YY1AP1: variants seen among roughly 807,000 people sequenced by gnomAD.
YY1AP1 encodes the protein YY1 associated protein 1.
Under a neutral mutation model 39.9 loss-of-function variants are expected in YY1AP1, and 43 were observed. The ratio of observed to expected loss-of-function variants is 1.08; its 90% confidence interval spans 0.84 to 1.39. The LOEUF (loss-of-function observed/expected upper bound fraction) is 1.39. Among genes scored for constraint, YY1AP1 ranks in the 40% most tolerant of loss-of-function variants. The probability of loss-of-function intolerance (pLI) is 0.00; values close to 1 mark genes in which losing one functional copy is unlikely to be tolerated. For missense variants in YY1AP1, 813 were observed against 900.7 expected (o/e 0.90, Z 1.25); for synonymous variants, 292 against 331.3 (o/e 0.88, Z 1.29).
Position 155,676,698 on chromosome 1 carries a change from C to A in YY1AP1, c.174G>T (p.Ala58=). 1 of 1,614,122 alleles carries A rather than the reference C, an allele frequency of 6.2e-7. No homozygotes were observed. The highest frequency in any genetic ancestry group is 8.5e-7 in the Non-Finnish European group (1 of 1,180,024). The part of the protein sequence containing the change: ...ANLLNEQHQI[A]KELFEQLKMK... ...TCTTCAGCTGTTCAAATAGTTCCTT[C>A]GCTATCTGATGTTGTTCATTTAGTA... Residue 58 remains alanine (A), a synonymous_variant, in exon 5 of 11, where the codon GCG becomes GCT. Coordinates refer to ENST00000355499, the MANE Select transcript of YY1AP1 (RefSeq NM_139119.3).
chr1:155,664,862 C>G lies in YY1AP1; in HGVS notation c.880-3439G>C, dbSNP rs552885455. ...TCGGCTCACTGCAAGCTCCACCTCC[C>G]AGGTTCACGCCATTCTCCTGCCTCA... On this transcript the variant is annotated intron_variant, in intron 9 of 10. Transcript: ENST00000355499. Among the ~76,000 whole-genome samples, 243 of 150,958 alleles carry G rather than the reference C, an allele frequency of 1.6e-3. 2 individuals are homozygous for G. Among genetic ancestry groups the G allele is most frequent in the Non-Finnish European group, 3.0e-3 (205 of 67,748 alleles).
At chr1:155,688,323 GGCGGCA>G in intron 1 of YY1AP1, 122 bp from the exon 2 acceptor site, 1 of 1,548,834 alleles carries the variant, frequency 6.5e-7, no homozygotes, top group Non-Finnish European at 8.7e-7. Flanking sequence ...CCAAAATGGC[GGCGGCA>G]GCGGCGGCAG....
At position 155,688,109 on chromosome 1, in the gene YY1AP1, G is replaced by GA; in HGVS notation, c.-60dup. 1 of 1,610,168 alleles carries GA rather than the reference G, an allele frequency of 6.2e-7. No homozygotes were observed. The highest frequency in any genetic ancestry group is 8.5e-7 in the Non-Finnish European group (1 of 1,177,534). ...GAGAGCGATGAGAGTACAGGGAAGT[G>GA]AGGAAGAGGGGGTGGCCGCCAGGCT... On this transcript the variant is annotated 5_prime_UTR_variant, in exon 2 of 11. Coordinates refer to ENST00000355499, the MANE Select transcript of YY1AP1 (RefSeq NM_139119.3).
rs1438694272 is a variant in YY1AP1 at position 155,688,758 on chromosome 1, C to G, written c.-251G>C. On this transcript the variant is annotated 5_prime_UTR_variant, in exon 1 of 11. Transcript: ENST00000355499. ...CAACCGCCGCCAAAGCAGCCGCCGC[C>G]AGCACCCCCACCCTACACTCCTCGC... 11 of 1,522,792 alleles carry G rather than the reference C, an allele frequency of 7.2e-6. No individual in the cohort carries two copies. Among genetic ancestry groups the G allele is most frequent in the South Asian group, 1.2e-5 (1 of 81,884 alleles). 94.3% of individuals were successfully genotyped at this position (1,522,792 alleles called of 1,614,324 possible).
chr1:155,688,045 A>T (rs1329583235), intron 2 of YY1AP1, 26 bp downstream of exon 2: 1 of 1,550,828 alleles, frequency 6.4e-7, no homozygotes, highest in East Asian at 2.3e-5. Context: ...TTAGGCCCGA[A>T]TGCCGGCCCA....
At chr1:155,681,153 C>T (rs1397647738) in intron 2 of YY1AP1, among the ~76,000 whole-genome samples, 3 of 151,774 alleles carry the variant, frequency 2.0e-5, no homozygotes, top group Admixed American at 2.0e-4. Flanking sequence ...GCCTCAGCCT[C>T]CCAAGTAGCT....
rs28578471 is a variant in YY1AP1, at chr1:155,667,933, T to C, written c.879+694A>G. Among the ~76,000 whole-genome samples the C allele has an allele frequency of 1.6e-3, 224 of 142,166 alleles. 1 individual carries two copies. The highest frequency in any genetic ancestry group is 5.8e-3 in the African/African-American group (215 of 36,922). 93.3% of individuals were successfully genotyped at this position (142,166 alleles called of 152,430 possible). The stretch of plus-strand genomic sequence containing the variant: ...ATACATACATACATACATACATACA[T>C]ACAGACACAGACACACACAAACACA... On this transcript the variant is annotated intron_variant, in intron 9 of 10. Coordinates refer to ENST00000355499, the MANE Select transcript of YY1AP1 (RefSeq NM_139119.3).
At position 155,660,461 on chromosome 1, in the gene YY1AP1, CAGTGCTGCAGG is replaced by C; in HGVS notation, c.1438_1448del (p.Pro480AlafsTer6). On this transcript the variant is annotated frameshift_variant, in exon 11 of 11. Coordinates refer to ENST00000355499, the MANE Select transcript of YY1AP1 (RefSeq NM_139119.3). LOFTEE classifies it low-confidence loss of function (END_TRUNC). ...TCCTGGCCTCAGGGGGCATAGCAGG[CAGTGCTGCAGG>C]AGACTCAAAACTCTCACCTCCACTG... 6.2e-7 allele frequency: 1 copy of C among 1,614,100 alleles called. No homozygotes were observed. The highest frequency in any genetic ancestry group is 8.5e-7 in the Non-Finnish European group (1 of 1,180,012).
At chr1:155,684,710 C>T (rs1486904664) in intron 2 of YY1AP1, among the ~76,000 whole-genome samples, 3 of 151,946 alleles carry the variant, frequency 2.0e-5, no homozygotes, top group Non-Finnish European at 4.4e-5. Flanking sequence ...CTCAGCTTCC[C>T]GAGTAGCTGG....
chr1:155,669,149 T>C (rs1571330382), intron 8 of YY1AP1, among the ~76,000 whole-genome samples: 1 of 152,236 alleles, frequency 6.6e-6, no homozygotes, highest in African/African-American at 2.4e-5. Flanking sequence ...TTCCCGCACT[T>C]CAGCCTCCTG....
intron 9 of YY1AP1, among the ~76,000 whole-genome samples, chr1:155,668,312 A>G (rs1420168864): frequency 6.6e-6 from 1 of 152,160 alleles, no homozygotes; most frequent in African/African-American, 2.4e-5. Context: ...ATGTCTGACC[A>G]AAAAAACAAA....
At chr1:155,668,563 A>G in intron 9 of YY1AP1, 64 bp downstream of exon 9, 1 of 1,611,560 alleles carries the variant, frequency 6.2e-7, no homozygotes, top group Non-Finnish European at 8.5e-7. Flanking sequence ...TTTGAGAATA[A>G]CAAGAGAAAA....
chr1:155,679,581 G>A, intron 3 of YY1AP1, 69 bp from the exon 4 acceptor site: 2 of 1,612,006 alleles, frequency 1.2e-6, no homozygotes, highest in Non-Finnish European at 1.7e-6. Flanking sequence ...GTGTTGGGAA[G>A]GAAAAGTGAA....
At position 155,682,924 on chromosome 1, in the gene YY1AP1, A is replaced by G. The variant is rs565788788; in HGVS notation, c.-20-2468T>C. Among the ~76,000 whole-genome samples the G allele has an allele frequency of 4.6e-5, 7 of 151,852 alleles. No homozygotes were observed. The East Asian group carries it at 1.4e-3, about 30-fold the overall frequency. ...AACCTGGTGAAACCCTGTCTCTACT[A>G]AAAATACAAAAATTAGCCTAGCGTG... On this transcript the variant is annotated intron_variant, in intron 2 of 10. Transcript: ENST00000355499.
Position 155,679,517 on chromosome 1 carries a change from G to A in YY1AP1, c.22-5C>T, listed in dbSNP as rs750703329. ...GAATCCCATCTCATCTTGGAACTGT[G>A]GGCAAAGGAAAGGGAGGGTTTTCCT... On this transcript the variant is annotated splice_polypyrimidine_tract_variant and splice_region_variant and intron_variant, in intron 3 of 10. Coordinates refer to ENST00000355499, the MANE Select transcript of YY1AP1 (RefSeq NM_139119.3). 2 of 1,614,092 alleles carry A rather than the reference G, an allele frequency of 1.2e-6. No homozygotes were observed. The highest frequency in any genetic ancestry group is 1.7e-6 in the Non-Finnish European group (2 of 1,179,988).
At position 155,662,143 on chromosome 1, in the gene YY1AP1, T is replaced by C. The variant is rs561758135; in HGVS notation, c.880-720A>G. On this transcript the variant is annotated intron_variant, in intron 9 of 10. Transcript: ENST00000355499. ...ATCAAAGACTTTAAGCAAATGATGG[T>C]GTGAAGGGCATCAGAAGGGAAGGAA... 2.0e-5 allele frequency among the ~76,000 whole-genome samples: 3 copies of C among 151,504 alleles called. No individual in the cohort carries two copies. The South Asian group carries it at 6.3e-4, about 32-fold the overall frequency.
In YY1AP1 at chr1:155,688,111, G is replaced by C; in HGVS notation, c.-61C>G. On this transcript the variant is annotated 5_prime_UTR_variant, in exon 2 of 11. Transcript: ENST00000355499. ...GAGCGATGAGAGTACAGGGAAGTGA[G>C]GAAGAGGGGGTGGCCGCCAGGCTCC... The C allele has an allele frequency of 6.2e-7, 1 of 1,610,396 alleles. No homozygotes were observed. The highest frequency in any genetic ancestry group is 8.5e-7 in the Non-Finnish European group (1 of 1,177,612).
Position 155,672,490 on chromosome 1 carries a change from T to C in YY1AP1, c.583+70A>G, listed in dbSNP as rs544704207. The stretch of plus-strand genomic sequence containing the variant: ...CCTAGGCAAGTATCCTAGGAAGTTA[T>C]CTATGGGATAAGATTCCCACCACCT... On this transcript the variant is annotated intron_variant, in intron 7 of 10. Transcript: ENST00000355499. 1.2e-5 allele frequency: 20 copies of C among 1,604,938 alleles called. No homozygotes were observed. In the East Asian group the frequency reaches 3.3e-4, roughly 27 times the overall value.
At chr1:155,672,511 C>T (rs1019284017) in intron 7 of YY1AP1, 49 bp downstream of exon 7, 4 of 1,603,946 alleles carry the variant, frequency 2.5e-6, no homozygotes, top group Middle Eastern at 1.7e-4. Context: ...AGATTCCCAC[C>T]ACCTCTCACC....
Sources: gnomAD v4.1 joint callset for allele counts (sites outside exome capture counted in the v4.1 genomes callset) on GRCh38, gnomAD v4.1.1 for gene constraint, MANE v1.5 for transcripts, NCBI Gene and HGNC (gene_info 2026-07-23, HGNC 2026-07-21) for gene names.